The following TSPAN11 variants were observed in gnomAD, a reference collection of about 807,000 sequenced individuals.
TSPAN11 encodes tetraspanin 11, also known as tetraspanin-11.
In TSPAN11, 29 loss-of-function variants were observed where a neutral mutation model predicts 32.9. The ratio of observed to expected loss-of-function variants is 0.88; its 90% CI spans 0.66 to 1.20. TSPAN11 has a LOEUF of 1.20. TSPAN11 is among the 50% of genes most tolerant of loss of function. The pLI is 0.00. For missense variants in TSPAN11, 283 were observed against 329.1 expected (o/e 0.86, Z 1.08); for synonymous variants, 140 against 141.3 (o/e 0.99, Z 0.07).
Position 30,992,038 on chromosome 12 carries a change from G to A in TSPAN11, c.*123G>A. On this transcript the variant is annotated 3_prime_UTR_variant, in exon 8 of 8. Coordinates refer to ENST00000546076, the MANE Select transcript of TSPAN11 (RefSeq NM_001370302.1). ...ATAGATGCCCCCTCCTTTGTGCCTAGCTCCTGCGAATCCACCGAGTGCCTG... is the reference window on the plus strand; with the variant it reads ...ATAGATGCCCCCTCCTTTGTGCCTAACTCCTGCGAATCCACCGAGTGCCTG... 1 of 1,114,508 alleles carries A rather than the reference G, an allele frequency of 9.0e-7. No homozygotes were observed. The highest frequency in any genetic ancestry group is 1.3e-6 in the Non-Finnish European group (1 of 746,722). The allele number at this position is 1,114,508 out of a possible 1,614,324, so 69.0% of individuals were successfully genotyped here.
In TSPAN11 at chr12:30,992,668, G is replaced by A. The variant is rs113904126; in HGVS notation, c.*753G>A. 43 of 152,480 alleles carry A rather than the reference G, an allele frequency of 2.8e-4. No individual in the cohort carries two copies. Among genetic ancestry groups the A allele is most frequent in the African/African-American group, 9.7e-4 (40 of 41,446 alleles). 9.4% of individuals were successfully genotyped at this position (152,480 alleles called of 1,614,324 possible). A position where few individuals can be genotyped will look rare whatever the true frequency, so the allele number is the denominator to read the frequency against. On this transcript the variant is annotated 3_prime_UTR_variant, in exon 8 of 8. Transcript: ENST00000546076. The stretch of plus-strand genomic sequence containing the variant: ...CCATGGCCCCAAGCCCTGGCCTCTA[G>A]TGATACGCCCCTCGGGAATCTCCTG...
chr12:30,947,310 C>A (rs1417314626), intron 1 of TSPAN11, among the ~76,000 whole-genome samples: 3 of 152,186 alleles, frequency 2.0e-5, no homozygotes, highest in South Asian at 4.1e-4. Context: ...TCAGCCCTGT[C>A]CCCTTTCCCT....
chr12:30,967,525 A>C (rs1938757611), intron 3 of TSPAN11, among the ~76,000 whole-genome samples: 1 of 152,010 alleles, frequency 6.6e-6, no homozygotes, highest in African/African-American at 2.4e-5. Context: ...GCTCCACTTT[A>C]CCCTCTTCTG....
At chr12:30,997,475 G>A (rs774396355), downstream of TSPAN11, 1 of 152,764 alleles carries the variant, frequency 6.5e-6, no homozygotes, top group African/African-American at 2.4e-5. Flanking sequence ...CATGGCAGAA[G>A]GCAAAGGCGA....
intron 1 of TSPAN11, among the ~76,000 whole-genome samples, chr12:30,941,912 T>C (rs1938173878): frequency 6.6e-6 from 1 of 152,262 alleles, no homozygotes; most frequent in Admixed American, 6.5e-5. Flanking sequence ...AGCCATTGCC[T>C]TCTTCCCACT....
intron 1 of TSPAN11, among the ~76,000 whole-genome samples, chr12:30,950,108 C>A (rs1163790119): frequency 1.3e-5 from 2 of 152,054 alleles, no homozygotes; most frequent in Non-Finnish European, 2.9e-5. Flanking sequence ...CCCCCACCCC[C>A]TTCTCTTTCT....
Position 30,979,578 on chromosome 12 carries a change from C to A in TSPAN11, c.364C>A (p.Leu122Met). The change falls in exon 5 of 8, where the codon CTG (leucine) becomes ATG (methionine). Residue 122 changes from leucine (L) to methionine (M), a missense_variant. Leu to Met is a conservative substitution (Grantham distance 15). Coordinates refer to ENST00000546076, the MANE Select transcript of TSPAN11 (RefSeq NM_001370302.1). ...CTACCCTCCTCAGCTGAGTGATGAACTGAAGCAGCACTTGAACCGGACTCT... is the reference window on the plus strand; with the variant it reads ...CTACCCTCCTCAGCTGAGTGATGAAATGAAGCAGCACTTGAACCGGACTCT... The part of the protein sequence containing the change: ...HVYYQRLSDE[L>M]KQHLNRTLAE... The A allele has an allele frequency of 6.2e-7, 1 of 1,614,194 alleles. No individual in the cohort carries two copies. Among genetic ancestry groups the A allele is most frequent in the East Asian group, 2.2e-5 (1 of 44,878 alleles).
chr12:30,930,024 G>C (rs1325250066), intron 1 of TSPAN11, among the ~76,000 whole-genome samples: 2 of 152,152 alleles, frequency 1.3e-5, no homozygotes, highest in African/African-American at 4.8e-5. Flanking sequence ...TGTTGAGGAC[G>C]GAGACTGTGG....
chr12:30,941,251 A>G (rs377222873), intron 1 of TSPAN11, among the ~76,000 whole-genome samples: 7 of 152,248 alleles, frequency 4.6e-5, no homozygotes, highest in African/African-American at 1.7e-4. Context: ...ACCGACTGCC[A>G]ACCTTGCGTA....
At chr12:30,989,210 G>GT (rs1258726966) in intron 7 of TSPAN11, among the ~76,000 whole-genome samples, 2 of 152,226 alleles carry the variant, frequency 1.3e-5, no homozygotes, top group East Asian at 3.8e-4. Flanking sequence ...GCTAGGTGCT[G>GT]TGTTAGCAGG....
chr12:30,973,666 G>A (rs997440723), intron 3 of TSPAN11, among the ~76,000 whole-genome samples: 2 of 152,186 alleles, frequency 1.3e-5, no homozygotes, highest in Non-Finnish European at 2.9e-5. Context: ...TATTGGTGGA[G>A]CGGGGGCCCT....
chr12:30,972,534 G>A (rs961640107), intron 3 of TSPAN11, among the ~76,000 whole-genome samples: 8 of 152,120 alleles, frequency 5.3e-5, no homozygotes, highest in African/African-American at 1.4e-4. Flanking sequence ...GAGGAACAGC[G>A]AGAGCAAAAG....
intron 3 of TSPAN11, 130 bp from the exon 4 acceptor site, chr12:30,978,431 T>A: frequency 2.3e-6 from 2 of 880,524 alleles, no homozygotes; most frequent in South Asian, 1.6e-5. Context: ...GGCTGGTACA[T>A]CCAGGAGGAA....
chr12:30,935,920 G>T (rs11051173), intron 1 of TSPAN11, among the ~76,000 whole-genome samples: 6,755 of 152,232 alleles, frequency 0.044, 372 homozygotes, highest in East Asian at 0.14. Flanking sequence ...ACAGGAAATC[G>T]ATTAACACAT....
At chr12:30,955,507 C>G (rs1260584278) in intron 2 of TSPAN11, among the ~76,000 whole-genome samples, 1 of 152,122 alleles carries the variant, frequency 6.6e-6, no homozygotes, top group Non-Finnish European at 1.5e-5. Flanking sequence ...TAAAAAGTAT[C>G]GTAAAATAAA....
At chr12:30,931,911 C>G (rs1184383129) in intron 1 of TSPAN11, among the ~76,000 whole-genome samples, 1 of 128,448 alleles carries the variant, frequency 7.8e-6, no homozygotes, top group East Asian at 2.7e-4. Flanking sequence ...AGTCCTCATC[C>G]TATCCTACTT....
the TSPAN11 span, among the ~76,000 whole-genome samples, chr12:31,006,846 G>A: frequency 6.6e-6 from 1 of 152,218 alleles, no homozygotes; most frequent in East Asian, 1.9e-4. Flanking sequence ...GAACCATATT[G>A]AGTTGTAGTT....
chr12:31,016,445 G>C, the TSPAN11 span, among the ~76,000 whole-genome samples: 2 of 152,060 alleles, frequency 1.3e-5, no homozygotes, highest in Non-Finnish European at 2.9e-5. Flanking sequence ...GCTAGGAAAA[G>C]CTGGTAGAAA....
intron 2 of TSPAN11, among the ~76,000 whole-genome samples, chr12:30,961,539 A>G (rs1373686302): frequency 6.6e-6 from 1 of 151,960 alleles, no homozygotes; most frequent in Non-Finnish European, 1.5e-5. Flanking sequence ...CTGTCCAGAG[A>G]AAAGCTTGTT....
Sources: gnomAD v4.1 joint callset for allele counts (sites outside exome capture counted in the v4.1 genomes callset) on GRCh38, gnomAD v4.1.1 for gene constraint, MANE v1.5 for transcripts, NCBI Gene and HGNC (gene_info 2026-07-23, HGNC 2026-07-21) for gene names.